SFRP5: variants seen among roughly 807,000 people sequenced by gnomAD.
The protein encoded by SFRP5 is secreted frizzled-related protein 5.
In SFRP5, 22 loss-of-function variants were observed where a neutral mutation model predicts 27.0. The ratio of observed to expected loss-of-function variants is 0.82; its 90% CI spans 0.58 to 1.17. The LOEUF is 1.17. Among genes scored for constraint, SFRP5 ranks in the 50% most tolerant of loss-of-function variants. The pLI, the probability that SFRP5 is intolerant of heterozygous loss-of-function variation, is 0.00. For missense variants in SFRP5, 406 were observed against 436.6 expected, an observed-to-expected ratio of 0.93 and a Z score of 0.63; for synonymous variants, 171 against 195.0, an observed-to-expected ratio of 0.88 and a Z score of 1.03.
At position 97,771,432 on chromosome 10, in the gene SFRP5, G is replaced by C; in HGVS notation, c.402C>G (p.Gly134=). 1 of 1,612,998 alleles carries C rather than the reference G, an allele frequency of 6.2e-7. No homozygotes were observed. Among genetic ancestry groups the C allele is most frequent in the South Asian group, 1.1e-5 (1 of 91,022 alleles). Residue 134 remains glycine (G), a synonymous_variant, in exon 1 of 3, where the codon GGC becomes GGG. Transcript: ENST00000266066. This position sits in a 1 kb window ranked among gnomAD's most constrained non-coding sequence, Gnocchi z 5.2. ...CGTAGGCCTCCATGAGCGGCGCGCA[G>C]CCGGCGCGCACGGCCTCGCACAGCG... ...CRSLCEAVRA[G]CAPLMEAYGF...
chr10:97,770,037 C>T (rs1202696170), intron 1 of SFRP5, among the ~76,000 whole-genome samples: 1 of 152,200 alleles, frequency 6.6e-6, no homozygotes, highest in South Asian at 2.1e-4. Context: ...TTTATCTCCT[C>T]TCATCCTCAG....
chr10:97,769,818 T>C (rs2049505516), intron 1 of SFRP5, 73 bp from the exon 2 acceptor site: 4 of 1,037,824 alleles, frequency 3.9e-6, no homozygotes, highest in Middle Eastern at 4.1e-4. Context: ...CCACTTGGGG[T>C]GCAGGCTTCC....
rs1304840825 is a variant in SFRP5 at position 97,771,988 on chromosome 10, G to A, written c.-155C>T. The A allele has an allele frequency of 3.4e-5, 15 of 441,982 alleles. No individual in the cohort carries two copies. The highest frequency in any genetic ancestry group is 6.3e-5 in the Admixed American group (1 of 15,858). The allele number at this position is 441,982 out of a possible 1,614,324, so 27.4% of individuals were successfully genotyped here. A position where few individuals can be genotyped will look rare whatever the true frequency, so the allele number is the denominator to read the frequency against. On this transcript the variant is annotated 5_prime_UTR_variant, in exon 1 of 3. Coordinates refer to ENST00000266066, the MANE Select transcript of SFRP5 (RefSeq NM_003015.3). The surrounding 1 kb of genome is among the most constrained non-coding windows in gnomAD (Gnocchi z 5.2). ...CAGGTGGGTGGCAGCCTGCGCTGCG[G>A]GCGCCCCGACTGATCCTGGCGCCTC...
rs1399583767 is a variant in SFRP5, at chr10:97,771,014, C to T, written c.529+291G>A. ...TGGGGGGACGGCATTGGGGGATTCT[C>T]AGCAGCTTGGTTGGATGGGTACTGA... On this transcript the variant is annotated intron_variant, in intron 1 of 2. Coordinates refer to ENST00000266066, the MANE Select transcript of SFRP5 (RefSeq NM_003015.3). The surrounding 1 kb of genome is among the most constrained non-coding windows in gnomAD (Gnocchi z 5.2). Among the ~76,000 whole-genome samples the T allele has an allele frequency of 1.3e-5, 2 of 152,094 alleles. No homozygotes were observed. Among genetic ancestry groups the T allele is most frequent in the Non-Finnish European group, 2.9e-5 (2 of 68,034 alleles).
chr10:97,767,929 G>A, intron 2 of SFRP5, 69 bp from the exon 3 acceptor site: 1 of 1,241,598 alleles, frequency 8.1e-7, no homozygotes, highest in Admixed American at 2.4e-5. Context: ...TGGGCACAGA[G>A]TTGGTGTGTT....
In SFRP5 at chr10:97,769,667, C is replaced by G; in HGVS notation, c.607+1G>C. The stretch of plus-strand genomic sequence containing the variant: ...AGTGGCAGCGTGGGCCCCACACTCA[C>G]CAAAGTCACTGGAGCACATCTGCTC... On this transcript the variant is annotated splice_donor_variant, in intron 2 of 2. Transcript: ENST00000266066. LOFTEE classifies it high-confidence loss of function. 6.2e-7 allele frequency: 1 copy of G among 1,609,326 alleles called. No individual in the cohort carries two copies. The highest frequency in any genetic ancestry group is 8.5e-7 in the Non-Finnish European group (1 of 1,176,906).
chr10:97,771,356 C>G lies in SFRP5; in HGVS notation c.478G>C (p.Asp160His). ...CCGAACTGCACGGCGATGCAGAGGT[C>G]GTTGTCCAGGGGGAACTTGTGGCAG... ...LHCHKFPLDN[D>H]LCIAVQFGHL... The change falls in exon 1 of 3, where the codon GAC (aspartate) becomes CAC (histidine). Residue 160 changes from aspartate to histidine, a missense_variant. Coordinates refer to ENST00000266066, the MANE Select transcript of SFRP5 (RefSeq NM_003015.3). This position sits in a 1 kb window ranked among gnomAD's most constrained non-coding sequence, Gnocchi z 5.2. 6.2e-7 allele frequency: 1 copy of G among 1,608,928 alleles called. No individual in the cohort carries two copies.
rs923021798 is a variant in SFRP5 at position 97,771,324 on chromosome 10, C to T, written c.510G>A (p.Leu170=). The T allele has an allele frequency of 1.3e-6, 2 of 1,580,142 alleles. No homozygotes were observed. The highest frequency in any genetic ancestry group is 8.6e-7 in the Non-Finnish European group (1 of 1,164,362). The change falls in exon 1 of 3, where the codon CTG becomes CTA. Residue 170 remains leucine, a synonymous_variant. Coordinates refer to ENST00000266066, the MANE Select transcript of SFRP5 (RefSeq NM_003015.3). This position sits in a 1 kb window ranked among gnomAD's most constrained non-coding sequence, Gnocchi z 5.2. ...DLCIAVQFGH[L]PATAPPVTKI... is the part of the protein sequence containing the mutation. Reference sequence around the variant, plus strand: ...CGCTACCTGGAGGCGCGGTGGCGGGCAGGTGCCCGAACTGCACGGCGATGC... The same window carrying T: ...CGCTACCTGGAGGCGCGGTGGCGGGTAGGTGCCCGAACTGCACGGCGATGC...
intron 1 of SFRP5, among the ~76,000 whole-genome samples, chr10:97,770,961 TA>T (rs1160252958): frequency 6.6e-6 from 1 of 152,050 alleles, no homozygotes; most frequent in Admixed American, 6.6e-5. Context: ...AGAGGGGTCA[TA>T]AGGCATTTAT....
chr10:97,771,177 G>A lies in SFRP5; in HGVS notation c.529+128C>T, dbSNP rs956073814. The A allele has an allele frequency of 3.8e-5, 24 of 629,422 alleles. No individual in the cohort carries two copies. The highest frequency in any genetic ancestry group is 5.4e-5 in the Non-Finnish European group (20 of 370,004). 39.0% of individuals were successfully genotyped at this position (629,422 alleles called of 1,614,324 possible). A position where few individuals can be genotyped will look rare whatever the true frequency, so the allele number is the denominator to read the frequency against. On this transcript the variant is annotated intron_variant, in intron 1 of 2. Coordinates refer to ENST00000266066, the MANE Select transcript of SFRP5 (RefSeq NM_003015.3). This position sits in a 1 kb window ranked among gnomAD's most constrained non-coding sequence, Gnocchi z 5.2. ...GATAATTCCGGGGACGCTGGGCTGA[G>A]CTAGGACAGCGTGTGTGTGTGTGTG...
In SFRP5 at chr10:97,771,762, C is replaced by G. The variant is rs1489141277; in HGVS notation, c.72G>C (p.Trp24Cys). The G allele has an allele frequency of 1.4e-5, 22 of 1,587,150 alleles. No individual in the cohort carries two copies. The highest frequency in any genetic ancestry group is 1.8e-5 in the Non-Finnish European group (21 of 1,175,858). The change falls in exon 1 of 3, where the codon TGG becomes TGC. Residue 24 changes from tryptophan to cysteine, a missense_variant. Transcript: ENST00000266066. This position sits in a 1 kb window ranked among gnomAD's most constrained non-coding sequence, Gnocchi z 5.2. Reference protein sequence around the residue: ...ALALLLGALHWAPARCEEYDY... With the variant: ...ALALLLGALHCAPARCEEYDY... ...CGTACTCCTCGCAGCGCGCCGGCGC[C>G]CAGTGCAGCGCCCCCAGCAGCAGCG...
In SFRP5 at chr10:97,769,692, C is replaced by G; in HGVS notation, c.583G>C (p.Glu195Gln). 3 of 1,613,226 alleles carry G rather than the reference C, an allele frequency of 1.9e-6. No homozygotes were observed. Among genetic ancestry groups the G allele is most frequent in the Non-Finnish European group, 1.7e-6 (2 of 1,179,642 alleles). ...EMEHSADGLM[E>Q]QMCSSDFVVK... ...CCAAAGTCACTGGAGCACATCTGCTCCATGAGGCCGTCAGCACTGTGCTCC... is the reference window on the plus strand; with the variant it reads ...CCAAAGTCACTGGAGCACATCTGCTGCATGAGGCCGTCAGCACTGTGCTCC... Residue 195 changes from glutamate (E) to glutamine (Q), a missense_variant, in exon 2 of 3, where the codon GAG becomes CAG. Coordinates refer to ENST00000266066, the MANE Select transcript of SFRP5 (RefSeq NM_003015.3).
In SFRP5 at chr10:97,771,631, T is replaced by C. The variant is rs1373202055; in HGVS notation, c.203A>G (p.Tyr68Cys). The change falls in exon 1 of 3, where the codon TAC becomes TGC. Residue 68 changes from tyrosine to cysteine, a missense_variant. Physicochemically the swap from Tyr to Cys is radical, Grantham distance 194. Coordinates refer to ENST00000266066, the MANE Select transcript of SFRP5 (RefSeq NM_003015.3). The surrounding 1 kb of genome is among the most constrained non-coding windows in gnomAD (Gnocchi z 5.2). The part of the protein sequence containing the change: ...ADLPLCHTVG[Y>C]KRMRLPNLLE... ...CAGGTTGGGCAGCCGCATGCGCTTG[T>C]AGCCCACCGTGTGGCAGAGCGGCAG... 3 of 1,608,342 alleles carry C rather than the reference T, an allele frequency of 1.9e-6. No homozygotes were observed. Among genetic ancestry groups the C allele is most frequent in the Non-Finnish European group, 2.5e-6 (3 of 1,179,652 alleles).
intron 2 of SFRP5, among the ~76,000 whole-genome samples, 187 bp from the exon 3 acceptor site, chr10:97,768,047 G>C (rs1046453191): frequency 6.6e-6 from 1 of 152,124 alleles, no homozygotes. Flanking sequence ...GCACTCTCAA[G>C]GACAGCATCA....
At position 97,766,928 on chromosome 10, in the gene SFRP5, G is replaced by C. The variant is rs891058025; in HGVS notation, c.*586C>G. 2.0e-5 allele frequency: 3 copies of C among 152,300 alleles called. No homozygotes were observed. The highest frequency in any genetic ancestry group is 7.2e-5 in the African/African-American group (3 of 41,384). 9.4% of individuals were successfully genotyped at this position (152,300 alleles called of 1,614,324 possible). On this transcript the variant is annotated 3_prime_UTR_variant, in exon 3 of 3. Coordinates refer to ENST00000266066, the MANE Select transcript of SFRP5 (RefSeq NM_003015.3). Reference sequence around the variant, plus strand: ...ATCGAGCCGCGGGCGGACCAGAAGGGGGTCTATGCCGAGGCTGGGCTGGGC... The same window carrying C: ...ATCGAGCCGCGGGCGGACCAGAAGGCGGTCTATGCCGAGGCTGGGCTGGGC...
intron 2 of SFRP5, among the ~76,000 whole-genome samples, chr10:97,768,331 T>C (rs1260910831): frequency 6.6e-6 from 1 of 151,972 alleles, no homozygotes; most frequent in East Asian, 1.9e-4. Context: ...GTGTATGGTA[T>C]GGAGTATATA....
Position 97,771,716 on chromosome 10 carries a change from C to T in SFRP5, c.118G>A (p.Glu40Lys). 2.5e-6 allele frequency: 4 copies of T among 1,596,376 alleles called. No individual in the cohort carries two copies. Among genetic ancestry groups the T allele is most frequent in the Non-Finnish European group, 3.4e-6 (4 of 1,179,212 alleles). The part of the protein sequence containing the change: ...EEYDYYGWQA[E>K]PLHGRSYSKP... ...GAGTAGGAGCGGCCGTGCAGCGGCT[C>T]GGCCTGCCAGCCATAGTAGTCGTAC... Residue 40 changes from glutamate to lysine, a missense_variant, in exon 1 of 3, where the codon GAG (glutamate) becomes AAG (lysine). Coordinates refer to ENST00000266066, the MANE Select transcript of SFRP5 (RefSeq NM_003015.3). The surrounding 1 kb of genome is among the most constrained non-coding windows in gnomAD (Gnocchi z 5.2).
chr10:97,770,864 C>G (rs2049511006), intron 1 of SFRP5, among the ~76,000 whole-genome samples: 1 of 152,210 alleles, frequency 6.6e-6, no homozygotes, highest in East Asian at 1.9e-4. Flanking sequence ...CCCAAGGTCC[C>G]AACACGGAGT....
Position 97,767,682 on chromosome 10 carries a change from C to T in SFRP5, c.786G>A (p.Ala262=), listed in dbSNP as rs138212787. Reference sequence around the variant, plus strand: ...TGCGGCCCATGACCAGGAAGCTGCCCGCCAGGCTGTCCAGCTGTGGGCAGG... The same window carrying T: ...TGCGGCCCATGACCAGGAAGCTGCCTGCCAGGCTGTCCAGCTGTGGGCAGG... ...GCPCPQLDSL[A]GSFLVMGRKV... Residue 262 remains alanine (A), a synonymous_variant, in exon 3 of 3, where the codon GCG becomes GCA. Coordinates refer to ENST00000266066, the MANE Select transcript of SFRP5 (RefSeq NM_003015.3). 98 of 1,614,100 alleles carry T rather than the reference C, an allele frequency of 6.1e-5. No individual in the cohort carries two copies. Among genetic ancestry groups the T allele is most frequent in the African/African-American group, 2.8e-4 (21 of 75,052 alleles).
Sources: allele counts gnomAD v4.1 joint callset (sites outside exome capture counted in the v4.1 genomes callset), GRCh38; gene constraint gnomAD v4.1.1; non-coding constraint Gnocchi (gnomAD v3.1); transcripts MANE v1.5; gene names NCBI Gene and HGNC (gene_info 2026-07-23, HGNC 2026-07-21).